Variants in ADAM20 observed in about 807,000 individuals in gnomAD.
ADAM20 encodes ADAM metallopeptidase domain 20.
For synonymous variants in ADAM20, 305 were observed against 310.2 expected, an observed-to-expected ratio of 0.98 and a Z score of 0.18; for missense variants, 871 against 883.2, an observed-to-expected ratio of 0.99 and a Z score of 0.18.
the ADAM20 span, among the ~76,000 whole-genome samples, chr14:70,576,159 T>C: frequency 3.3e-5 from 5 of 152,094 alleles, no homozygotes; most frequent in South Asian, 4.1e-4. Flanking sequence ...CAGAAGTTAA[T>C]AAAACAAAGA....
chr14:70,549,112 T>A, the ADAM20 span, among the ~76,000 whole-genome samples: 2 of 35,492 alleles, frequency 5.6e-5, no homozygotes, highest in Non-Finnish European at 9.9e-5. Context: ...GCTGAGAGAT[T>A]TTGTCACCAC....
At chr14:70,536,184 G>T (rs1237646105), upstream of ADAM20, among the ~76,000 whole-genome samples, 1 of 151,880 alleles carries the variant, frequency 6.6e-6, no homozygotes, top group Non-Finnish European at 1.5e-5. Flanking sequence ...TAAGAATTGG[G>T]GCCAGGCATG....
rs1373050008 is a variant in ADAM20, at chr14:70,523,555, T to C, written c.1203A>G (p.Pro401=). 6.2e-6 allele frequency: 10 copies of C among 1,613,984 alleles called. No homozygotes were observed. The highest frequency in any genetic ancestry group is 8.5e-6 in the Non-Finnish European group (10 of 1,179,976). The change falls in exon 2 of 2, where the codon CCA becomes CCG. Residue 401 remains proline (P), a synonymous_variant. Transcript: ENST00000256389. ...SGLCIQPPPY[P]GNIFRLKYCG... ...AGTACTTCAGTCTAAATATATTCCCTGGATATGGAGGCGGTTGAATACATA... is the reference window on the plus strand; with the variant it reads ...AGTACTTCAGTCTAAATATATTCCCCGGATATGGAGGCGGTTGAATACATA...
chr14:70,525,337 C>T (rs980498025), intron 1 of ADAM20, among the ~76,000 whole-genome samples: 6 of 152,084 alleles, frequency 3.9e-5, no homozygotes, highest in Non-Finnish European at 7.4e-5. Flanking sequence ...CCTTAGCCTC[C>T]AAGTAGAACT....
chr14:70,536,724 A>G (rs1268996474), upstream of ADAM20, among the ~76,000 whole-genome samples: 11 of 152,080 alleles, frequency 7.2e-5, no homozygotes, highest in Non-Finnish European at 1.0e-4. Context: ...CATTCCAACC[A>G]TAAGATAAAC....
the ADAM20 span, among the ~76,000 whole-genome samples, chr14:70,570,343 G>C: frequency 2.0e-5 from 3 of 151,922 alleles, no homozygotes; most frequent in Non-Finnish European, 4.4e-5. Context: ...AAAATGAAAA[G>C]CTGGTTCATC....
At chr14:70,574,904 G>C in the ADAM20 span, among the ~76,000 whole-genome samples, 4 of 151,480 alleles carry the variant, frequency 2.6e-5, no homozygotes, top group African/African-American at 9.7e-5. Context: ...TGAACCTAGA[G>C]GGCATTATGC....
the ADAM20 span, among the ~76,000 whole-genome samples, chr14:70,567,401 C>T: frequency 3.9e-5 from 6 of 152,140 alleles, no homozygotes; most frequent in Admixed American, 6.5e-5. Flanking sequence ...CTACCAAAGT[C>T]CCCTTAGGAC....
chr14:70,564,925 G>T, the ADAM20 span, among the ~76,000 whole-genome samples: 1 of 150,874 alleles, frequency 6.6e-6, no homozygotes, highest in Admixed American at 6.6e-5. Context: ...GTGTATGCCT[G>T]TAGTCCCAGC....
chr14:70,530,951 G>GA lies in ADAM20; in HGVS notation c.-177+3845dup, dbSNP rs550199273. ...ACCTTCAGGAACTAGAAGGAAAGAA[G>GA]AAAAAACTACGCTGAAAGTCAACAG... On this transcript the variant is annotated intron_variant, in intron 1 of 1. Transcript: ENST00000256389. Among the ~76,000 whole-genome samples, 472 of 149,944 alleles carry GA rather than the reference G, an allele frequency of 3.1e-3. 1 individual carries two copies. Among genetic ancestry groups the GA allele is most frequent in the Non-Finnish European group, 5.1e-3 (342 of 67,506 alleles).
the ADAM20 span, among the ~76,000 whole-genome samples, chr14:70,561,962 A>G: frequency 6.6e-6 from 1 of 152,318 alleles, no homozygotes; most frequent in East Asian, 1.9e-4. Flanking sequence ...GTCCCCACAT[A>G]GAGTCCCCAC....
chr14:70,546,875 A>C, the ADAM20 span, among the ~76,000 whole-genome samples: 1 of 152,174 alleles, frequency 6.6e-6, no homozygotes, highest in Non-Finnish European at 1.5e-5. Context: ...AATTGAAATG[A>C]AGAAAATACA....
upstream of ADAM20, among the ~76,000 whole-genome samples, chr14:70,535,994 T>C (rs73282156): frequency 0.039 from 5,990 of 152,150 alleles, 391 homozygotes; most frequent in African/African-American, 0.13. Context: ...ATAGAACAAT[T>C]TAAAAAACAA....
chr14:70,541,766 T>A, the ADAM20 span, among the ~76,000 whole-genome samples: 2 of 147,282 alleles, frequency 1.4e-5, no homozygotes, highest in South Asian at 4.4e-4. Flanking sequence ...GGGAGACTCT[T>A]ATAATTCTGA....
the ADAM20 span, among the ~76,000 whole-genome samples, chr14:70,566,447 G>GA: frequency 5.3e-5 from 8 of 150,908 alleles, no homozygotes; most frequent in Admixed American, 4.0e-4. Context: ...AAGAGAAAGA[G>GA]AAAAAAATCA....
the ADAM20 span, among the ~76,000 whole-genome samples, chr14:70,542,157 T>C: frequency 6.6e-6 from 1 of 152,234 alleles, no homozygotes; most frequent in Non-Finnish European, 1.5e-5. Context: ...TTTAAAAATT[T>C]AGTATACTCC....
the ADAM20 span, among the ~76,000 whole-genome samples, chr14:70,544,794 T>C: frequency 6.6e-6 from 1 of 152,116 alleles, no homozygotes; most frequent in Admixed American, 6.5e-5. Context: ...AACATCACAC[T>C]ATATCCCATA....
At chr14:70,563,002 CA>C in the ADAM20 span, among the ~76,000 whole-genome samples, 2 of 152,176 alleles carry the variant, frequency 1.3e-5, no homozygotes, top group African/African-American at 4.8e-5. Context: ...ATACTCCCTA[CA>C]GTAGGATATT....
chr14:70,558,342 A>G, the ADAM20 span, among the ~76,000 whole-genome samples: 2 of 152,238 alleles, frequency 1.3e-5, no homozygotes, highest in Non-Finnish European at 2.9e-5. Context: ...ATCGGATTTG[A>G]TATTTACTAC....
Sources: gnomAD v4.1 joint callset for allele counts (sites outside exome capture counted in the v4.1 genomes callset) on GRCh38, gnomAD v4.1.1 for gene constraint, MANE v1.5 for transcripts, NCBI Gene and HGNC (gene_info 2026-07-23, HGNC 2026-07-21) for gene names.